Variants in CNTN4 observed in about 807,000 individuals in gnomAD.
CNTN4 encodes contactin-4.
A neutral mutation model predicts 122.5 loss-of-function variants in CNTN4; 77 were observed. The ratio of observed to expected loss-of-function variants is 0.63; its 90% confidence interval spans 0.52 to 0.76. The LOEUF is 0.76. CNTN4 is among the 30% of genes least tolerant of loss of function. The probability of loss-of-function intolerance (pLI) is 0.00; values close to 1 mark genes in which losing one functional copy is unlikely to be tolerated. For synonymous variants in CNTN4, 512 were observed against 447.0 expected, an observed-to-expected ratio of 1.15 and a Z score of -1.83; for missense variants, 1,256 against 1,259.1, an observed-to-expected ratio of 1.00 and a Z score of 0.04.
intron 4 of CNTN4, among the ~76,000 whole-genome samples, chr3:2,699,002 G>A (rs752763686): frequency 2.0e-4 from 29 of 146,930 alleles, no homozygotes; most frequent in South Asian, 4.5e-4. Context: ...CAGTGTGGGC[G>A]ACAAGAGCGA....
At chr3:2,183,102 CTATTTTCAAAA>C (rs1223983479) in intron 2 of CNTN4, among the ~76,000 whole-genome samples, 1 of 152,112 alleles carries the variant, frequency 6.6e-6, no homozygotes, top group African/African-American at 2.4e-5. Context: ...ATCCTTGGAT[CTATTTTCAAAA>C]TATATCCAGA....
chr3:2,837,389 G>A (rs1199098964), intron 7 of CNTN4, among the ~76,000 whole-genome samples: 1 of 152,048 alleles, frequency 6.6e-6, no homozygotes, highest in African/African-American at 2.4e-5. Flanking sequence ...CTGGAGAGAT[G>A]GGTATCACTA....
chr3:2,705,154 G>A (rs918989339), intron 4 of CNTN4, among the ~76,000 whole-genome samples: 20 of 151,356 alleles, frequency 1.3e-4, no homozygotes, highest in African/African-American at 2.7e-4. Context: ...GGATCACGAG[G>A]TCAGGAGATC....
intron 3 of CNTN4, among the ~76,000 whole-genome samples, chr3:2,458,216 C>G (rs2049071646): frequency 6.6e-6 from 1 of 152,136 alleles, no homozygotes; most frequent in Non-Finnish European, 1.5e-5. Context: ...TTTAATTTAA[C>G]TGTGCTACAA....
intron 3 of CNTN4, among the ~76,000 whole-genome samples, chr3:2,412,514 A>G (rs1210703750): frequency 6.6e-6 from 1 of 152,110 alleles, no homozygotes; most frequent in Non-Finnish European, 1.5e-5. Context: ...CAGCCTCCCA[A>G]AGTGCTGGGA....
intron 4 of CNTN4, among the ~76,000 whole-genome samples, chr3:2,672,426 T>C (rs1351493244): frequency 6.6e-6 from 1 of 152,186 alleles, no homozygotes; most frequent in Admixed American, 6.5e-5. Flanking sequence ...GCGCGGGATA[T>C]AATCTCCTGG....
intron 2 of CNTN4, among the ~76,000 whole-genome samples, chr3:2,215,883 C>CAAAAAAAAAAA (rs869205172): frequency 1.7e-5 from 1 of 60,272 alleles, no homozygotes; most frequent in Non-Finnish European, 2.9e-5. Flanking sequence ...GCCTCTGTCT[C>CAAAAAAAAAAA]AAAAAAAAAA....
chr3:2,331,720 C>A (rs1388638380), intron 2 of CNTN4, among the ~76,000 whole-genome samples: 1 of 152,164 alleles, frequency 6.6e-6, no homozygotes, highest in Non-Finnish European at 1.5e-5. Flanking sequence ...TCTGAACCTC[C>A]AGCCTGTCTA....
chr3:2,928,209 A>G (rs1051054785), intron 13 of CNTN4, among the ~76,000 whole-genome samples: 5 of 152,238 alleles, frequency 3.3e-5, no homozygotes, highest in African/African-American at 9.6e-5. Context: ...ATGATGTACA[A>G]TATAAACTGT....
intron 2 of CNTN4, among the ~76,000 whole-genome samples, chr3:2,267,229 C>G (rs1316809985): frequency 6.6e-6 from 1 of 152,086 alleles, no homozygotes; most frequent in Non-Finnish European, 1.5e-5. Context: ...CTGCTTTTTA[C>G]TCAAGGAATA....
intron 14 of CNTN4, among the ~76,000 whole-genome samples, chr3:3,006,326 T>G (rs1171907407): frequency 4.6e-5 from 7 of 152,180 alleles, no homozygotes; most frequent in Admixed American, 4.6e-4. Context: ...TGGCCCATAT[T>G]AGGTGCTCTG....
At chr3:2,733,703 T>TCCCA (rs2088872022) in intron 4 of CNTN4, among the ~76,000 whole-genome samples, 1 of 151,874 alleles carries the variant, frequency 6.6e-6, no homozygotes. Flanking sequence ...CCGGCTAATT[T>TCCCA]TTTTGAATTT....
intron 2 of CNTN4, among the ~76,000 whole-genome samples, chr3:2,284,517 A>G (rs771375287): frequency 2.6e-5 from 4 of 152,032 alleles, no homozygotes; most frequent in Non-Finnish European, 4.4e-5. Flanking sequence ...CAAACTTCTC[A>G]TGTTTGCTTG....
At chr3:2,402,403 A>G (rs1405592131) in intron 3 of CNTN4, among the ~76,000 whole-genome samples, 2 of 152,106 alleles carry the variant, frequency 1.3e-5, no homozygotes, top group Admixed American at 1.3e-4. Context: ...TTTTTATTTT[A>G]GATTTTTAAG....
chr3:2,734,642 G>A (rs1275235871), intron 4 of CNTN4, among the ~76,000 whole-genome samples: 2 of 129,416 alleles, frequency 1.5e-5, no homozygotes, highest in Non-Finnish European at 3.3e-5. Context: ...ACCTTAGCAT[G>A]AAGTGCTTTT....
chr3:2,170,078 T>C (rs1300151021), intron 2 of CNTN4, among the ~76,000 whole-genome samples: 1 of 151,794 alleles, frequency 6.6e-6, no homozygotes, highest in African/African-American at 2.4e-5. Context: ...TCCCAGCACT[T>C]TGGGAGGCCG....
At chr3:2,868,634 AT>A (rs1414574922) in intron 8 of CNTN4, among the ~76,000 whole-genome samples, 3 of 152,168 alleles carry the variant, frequency 2.0e-5, no homozygotes. Context: ...AATAATTTAG[AT>A]TTTAACCATT....
chr3:2,202,953 C>CT (rs1396216329), intron 2 of CNTN4, among the ~76,000 whole-genome samples: 1 of 151,634 alleles, frequency 6.6e-6, no homozygotes, highest in African/African-American at 2.4e-5. Flanking sequence ...TCCCAAGTAG[C>CT]TGGGAGTACA....
intron 8 of CNTN4, among the ~76,000 whole-genome samples, chr3:2,877,117 T>C (rs2093853321): frequency 6.6e-6 from 1 of 152,196 alleles, no homozygotes. Context: ...ATCACCTCTT[T>C]TGGTTATTCA....
Sources: gnomAD v4.1 joint callset for allele counts (sites outside exome capture counted in the v4.1 genomes callset) on GRCh38, gnomAD v4.1.1 for gene constraint, MANE v1.5 for transcripts, NCBI Gene and HGNC (gene_info 2026-07-23, HGNC 2026-07-21) for gene names.